PTPRD: variants seen among roughly 807,000 people sequenced by gnomAD.
PTPRD encodes the protein receptor-type tyrosine-protein phosphatase delta.
PTPRD carries 34 observed loss-of-function variants against 214.5 expected under a neutral mutation model. The observed-to-expected ratio is 0.16, with a 90% CI of 0.12 to 0.21. The LOEUF is 0.21. Ranked by LOEUF, PTPRD falls within the 10% of genes least tolerant of loss-of-function variation. The pLI, the probability that PTPRD is intolerant of heterozygous loss-of-function variation, is 1.00. For synonymous variants in PTPRD, 1,128 were observed against 845.7 expected, an observed-to-expected ratio of 1.33 and a Z score of -5.79; for missense variants, 2,545 against 2,398.7, an observed-to-expected ratio of 1.06 and a Z score of -1.27.
intron 9 of PTPRD, among the ~76,000 whole-genome samples, chr9:9,228,517 A>G (rs1248258720): frequency 6.6e-6 from 1 of 152,140 alleles, no homozygotes; most frequent in African/African-American, 2.4e-5. Context: ...GATCATATAT[A>G]TAATTAATCT....
At chr9:8,331,542 C>T (rs1207991279) in intron 44 of PTPRD, 40 bp downstream of exon 44, 1 of 1,152,762 alleles carries the variant, frequency 8.7e-7, no homozygotes. Context: ...TGAAGAAACA[C>T]CACCACTTAT....
At chr9:9,246,475 G>A (rs1175035331) in intron 9 of PTPRD, among the ~76,000 whole-genome samples, 1 of 152,034 alleles carries the variant, frequency 6.6e-6, no homozygotes, top group East Asian at 1.9e-4. Context: ...AGAAAAATCT[G>A]TCAGTTTGCT....
intron 3 of PTPRD, among the ~76,000 whole-genome samples, chr9:10,148,970 G>A (rs913923793): frequency 6.6e-6 from 1 of 152,194 alleles, no homozygotes; most frequent in African/African-American, 2.4e-5. Flanking sequence ...TGTGAGAACA[G>A]AAATGTGGTT....
At chr9:10,096,793 T>G (rs1255185297) in intron 3 of PTPRD, among the ~76,000 whole-genome samples, 1 of 152,008 alleles carries the variant, frequency 6.6e-6, no homozygotes, top group Non-Finnish European at 1.5e-5. Context: ...CTTTTGGTGT[T>G]TTAGACATGA....
intron 9 of PTPRD, among the ~76,000 whole-genome samples, chr9:9,208,673 G>A (rs1325860808): frequency 6.6e-6 from 1 of 152,006 alleles, no homozygotes; most frequent in African/African-American, 2.4e-5. Context: ...GTTTCTCTAT[G>A]TAGAAAGAAA....
chr9:9,776,650 G>A (rs1044220669), intron 5 of PTPRD, among the ~76,000 whole-genome samples: 5 of 152,110 alleles, frequency 3.3e-5, no homozygotes, highest in African/African-American at 1.2e-4. Flanking sequence ...AAAAGAACAT[G>A]CTAGTTTAAC....
intron 5 of PTPRD, among the ~76,000 whole-genome samples, chr9:9,832,106 T>C (rs2055056002): frequency 6.6e-6 from 1 of 152,052 alleles, no homozygotes; most frequent in Non-Finnish European, 1.5e-5. Flanking sequence ...ATAACTTGCC[T>C]ATAATCTTGA....
At chr9:9,177,813 A>G (rs937302721) in intron 10 of PTPRD, among the ~76,000 whole-genome samples, 5 of 152,192 alleles carry the variant, frequency 3.3e-5, no homozygotes, top group African/African-American at 1.2e-4. Context: ...TTATAAAGGC[A>G]TCTTAAAACA....
intron 12 of PTPRD, among the ~76,000 whole-genome samples, chr9:8,674,763 C>T (rs1033501591): frequency 4.6e-5 from 7 of 152,168 alleles, no homozygotes; most frequent in African/African-American, 1.7e-4. Flanking sequence ...GAAAAAAATG[C>T]TTCTCATTTC....
At chr9:8,690,690 G>A (rs1393742581) in intron 12 of PTPRD, among the ~76,000 whole-genome samples, 3 of 151,980 alleles carry the variant, frequency 2.0e-5, no homozygotes, top group African/African-American at 7.2e-5. Flanking sequence ...ACAGAGGGGG[G>A]AGAATGAAAA....
At chr9:8,807,191 G>C (rs906013662) in intron 11 of PTPRD, among the ~76,000 whole-genome samples, 2 of 152,118 alleles carry the variant, frequency 1.3e-5, no homozygotes, top group South Asian at 4.1e-4. Flanking sequence ...CAAAAAATTA[G>C]CCAGGCATGG....
At chr9:8,598,437 G>C (rs1046283032) in intron 14 of PTPRD, among the ~76,000 whole-genome samples, 1 of 151,620 alleles carries the variant, frequency 6.6e-6, no homozygotes, top group African/African-American at 2.4e-5. Context: ...CTCCAGCCTA[G>C]GCAACAGAAC....
intron 9 of PTPRD, among the ~76,000 whole-genome samples, chr9:9,241,530 A>G (rs992275065): frequency 3.9e-5 from 6 of 152,130 alleles, no homozygotes; most frequent in African/African-American, 1.4e-4. Context: ...CGCACCTTGG[A>G]GAAACTGGTC....
At chr9:8,715,296 A>AT (rs1376431292) in intron 12 of PTPRD, among the ~76,000 whole-genome samples, 2 of 152,176 alleles carry the variant, frequency 1.3e-5, no homozygotes, top group African/African-American at 4.8e-5. Flanking sequence ...CACACAACAC[A>AT]TAACAACTGC....
chr9:8,376,540 T>G lies in PTPRD; in HGVS notation c.4506+67A>C, dbSNP rs896173367. 3.1e-6 allele frequency: 5 copies of G among 1,602,052 alleles called. No homozygotes were observed. The African/African-American group carries it at 6.7e-5, about 22-fold the overall frequency. ...TAAGTAAAGCCTTAAGAGATTTCAT[T>G]TCTCAAAAGAAGCTTTCTTTAAACA... On this transcript the variant is annotated intron_variant, in intron 38 of 45. Transcript: ENST00000381196.
At chr9:9,839,476 C>T (rs540508858) in intron 5 of PTPRD, among the ~76,000 whole-genome samples, 20 of 152,124 alleles carry the variant, frequency 1.3e-4, no homozygotes, top group African/African-American at 4.8e-4. Context: ...AATAAAATAC[C>T]TAGGAATCCA....
chr9:8,504,173 G>C, intron 23 of PTPRD, 88 bp downstream of exon 23: 1 of 1,308,036 alleles, frequency 7.6e-7, no homozygotes, highest in Non-Finnish European at 1.1e-6. Flanking sequence ...AAGCATATTA[G>C]CAGGTTTGCT....
intron 3 of PTPRD, among the ~76,000 whole-genome samples, chr9:10,094,642 T>A (rs1438444312): frequency 6.7e-6 from 1 of 150,012 alleles, no homozygotes; most frequent in Non-Finnish European, 1.5e-5. Context: ...TATGGAGACA[T>A]AGCATATCTA....
intron 8 of PTPRD, among the ~76,000 whole-genome samples, chr9:9,417,740 C>A (rs554361923): frequency 6.6e-6 from 1 of 152,000 alleles, no homozygotes; most frequent in Non-Finnish European, 1.5e-5. Context: ...AGTCATTTAA[C>A]CTCTTCAAAA....
Sources: gnomAD v4.1 joint callset for allele counts (sites outside exome capture counted in the v4.1 genomes callset) on GRCh38, gnomAD v4.1.1 for gene constraint, MANE v1.5 for transcripts, NCBI Gene and HGNC (gene_info 2026-07-23, HGNC 2026-07-21) for gene names.